Variants in NRG2 observed in about 807,000 individuals in gnomAD.
NRG2 encodes pro-neuregulin-2, membrane-bound isoform.
In NRG2, 27 loss-of-function variants were observed where a neutral mutation model predicts 73.9. The observed-to-expected ratio is 0.37, with a 90% CI of 0.27 to 0.50. NRG2 has a LOEUF of 0.50. NRG2 is among the 20% of genes least tolerant of loss of function. NRG2 has a pLI of 0.96. For synonymous variants in NRG2, 532 were observed against 541.0 expected (o/e 0.98, Z 0.23); for missense variants, 1,126 against 1,210.1 (o/e 0.93, Z 1.03).
chr5:140,028,086 G>A (rs923073572), intron 1 of NRG2, among the ~76,000 whole-genome samples: 1 of 152,174 alleles, frequency 6.6e-6, no homozygotes, highest in Non-Finnish European at 1.5e-5. Flanking sequence ...AAAGAGACAT[G>A]ACAACTAAAT....
In NRG2 at chr5:140,008,737, C is replaced by G. The variant is rs188872176; in HGVS notation, c.700+33633G>C. On this transcript the variant is annotated intron_variant, in intron 1 of 9. Transcript: ENST00000361474. The surrounding 1 kb of genome is among the most constrained non-coding windows in gnomAD (Gnocchi z 4.2). ...GAGAAATAACTGACAAATGATATGA[C>G]CAGAGACTCAACTGGTGAGTTCAAA... Among the ~76,000 whole-genome samples the G allele has an allele frequency of 3.0e-4, 46 of 152,260 alleles. No individual in the cohort carries two copies. Among genetic ancestry groups the G allele is most frequent in the Non-Finnish European group, 5.9e-4 (40 of 68,018 alleles).
chr5:140,034,614 T>G (rs1011376320), intron 1 of NRG2, among the ~76,000 whole-genome samples: 3 of 152,078 alleles, frequency 2.0e-5, no homozygotes, highest in Admixed American at 6.5e-5. Flanking sequence ...AGAAAGTTAA[T>G]AGAACAAATA....
chr5:139,855,549 G>A, intron 6 of NRG2, 127 bp downstream of exon 6: 2 of 775,310 alleles, frequency 2.6e-6, no homozygotes, highest in South Asian at 3.1e-5. Context: ...GCCCCCGAGG[G>A]GTAGTTGGGG....
At chr5:139,997,602 G>A (rs1263979528) in intron 1 of NRG2, among the ~76,000 whole-genome samples, 4 of 152,214 alleles carry the variant, frequency 2.6e-5, no homozygotes, top group African/African-American at 7.2e-5. Context: ...GACAGACATG[G>A]CAGAGCTGAC....
chr5:139,940,756 G>A (rs1212400227), intron 1 of NRG2, among the ~76,000 whole-genome samples: 5 of 152,148 alleles, frequency 3.3e-5, no homozygotes, highest in Admixed American at 3.3e-4. Flanking sequence ...TAGCCTCTAG[G>A]AATAAGAATT....
At chr5:139,900,635 G>C (rs1333235033) in intron 1 of NRG2, among the ~76,000 whole-genome samples, 3 of 152,222 alleles carry the variant, frequency 2.0e-5, no homozygotes, top group African/African-American at 7.2e-5. Flanking sequence ...TATAGTAACA[G>C]TCCCTCAGGC....
chr5:139,910,410 A>C (rs1765498472), intron 1 of NRG2, among the ~76,000 whole-genome samples: 1 of 152,240 alleles, frequency 6.6e-6, no homozygotes, highest in African/African-American at 2.4e-5. Flanking sequence ...TTCCTGGAAC[A>C]GCTGAGAAAT....
intron 1 of NRG2, among the ~76,000 whole-genome samples, chr5:139,962,331 GAC>G (rs1755131725): frequency 6.6e-6 from 1 of 152,228 alleles, no homozygotes; most frequent in Admixed American, 6.5e-5. Flanking sequence ...AAGAGAGAAA[GAC>G]AAACCTCCAG....
Position 139,853,006 on chromosome 5 carries a change from G to A in NRG2, c.1314C>T (p.His438=). 6.2e-7 allele frequency: 1 copy of A among 1,613,484 alleles called. No homozygotes were observed. The highest frequency in any genetic ancestry group is 8.5e-7 in the Non-Finnish European group (1 of 1,179,774). ...GGCACATGTTCTGCCGGAGGTGGTT[G>A]TGCATCTGCTTCCGCTGTTTTCTGC... The part of the protein sequence containing the change: ...CKTKKQRKQM[H]NHLRQNMCPA... Residue 438 remains histidine, a synonymous_variant, in exon 7 of 10, where the codon CAC becomes CAT. Coordinates refer to ENST00000361474, the MANE Select transcript of NRG2 (RefSeq NM_004883.3). This position sits in a 1 kb window ranked among gnomAD's most constrained non-coding sequence, Gnocchi z 4.1.
intron 1 of NRG2, among the ~76,000 whole-genome samples, chr5:139,972,491 G>A (rs866221532): frequency 2.6e-5 from 4 of 152,192 alleles, no homozygotes; most frequent in East Asian, 1.9e-4. Flanking sequence ...TTGGGAGGCC[G>A]AGGTGGGCGG....
At chr5:139,850,837 A>G (rs898814192) in intron 9 of NRG2, among the ~76,000 whole-genome samples, 3 of 152,146 alleles carry the variant, frequency 2.0e-5, no homozygotes, top group Non-Finnish European at 4.4e-5. Context: ...TTCTTGGCTC[A>G]CGTCCATCTT....
chr5:139,867,789 T>A (rs1319303019), intron 4 of NRG2, among the ~76,000 whole-genome samples: 4 of 137,746 alleles, frequency 2.9e-5, no homozygotes, highest in African/African-American at 9.4e-5. Flanking sequence ...TGTGTGTGTG[T>A]GTGTGTGTAT....
intron 1 of NRG2, among the ~76,000 whole-genome samples, chr5:139,993,791 C>T (rs564194432): frequency 0.071 from 37 of 518 alleles, no homozygotes; most frequent in East Asian, 0.11. Context: ...CTATGTTACG[C>T]TGATAAAGGA....
intron 1 of NRG2, among the ~76,000 whole-genome samples, chr5:139,916,370 TTA>T (rs1751255181): frequency 1.3e-5 from 2 of 152,170 alleles, no homozygotes; most frequent in Non-Finnish European, 2.9e-5. Context: ...AATTTTCCCC[TTA>T]TAACTGCATT....
intron 3 of NRG2, among the ~76,000 whole-genome samples, chr5:139,876,613 C>T (rs570713619): frequency 1.8e-4 from 28 of 151,956 alleles, no homozygotes; most frequent in African/African-American, 6.3e-4. Flanking sequence ...GGGTGGGAGC[C>T]GCTGCTGTGG....
intron 1 of NRG2, among the ~76,000 whole-genome samples, chr5:139,921,686 C>A (rs1318114773): frequency 6.6e-6 from 1 of 152,090 alleles, no homozygotes; most frequent in Non-Finnish European, 1.5e-5. Flanking sequence ...ATCTAGATGA[C>A]CTTGGGTTTG....
Position 139,868,776 on chromosome 5 carries a change from C to T in NRG2, c.1112+2945G>A, listed in dbSNP as rs533794472. ...CCGGGCACTGGAGGGAGTGAAGGGC[C>T]TCTGAGTTCATGAGAGGGGTGAAGA... On this transcript the variant is annotated intron_variant, in intron 4 of 9. Coordinates refer to ENST00000361474, the MANE Select transcript of NRG2 (RefSeq NM_004883.3). The surrounding 1 kb of genome is among the most constrained non-coding windows in gnomAD (Gnocchi z 4.2). Among the ~76,000 whole-genome samples, 14 of 151,956 alleles carry T rather than the reference C, an allele frequency of 9.2e-5. No homozygotes were observed. The highest frequency in any genetic ancestry group is 1.3e-4 in the Non-Finnish European group (9 of 67,984).
rs142148529 is a variant in NRG2, at chr5:140,039,072, T to C, written c.700+3298A>G. On this transcript the variant is annotated intron_variant, in intron 1 of 9. Transcript: ENST00000361474. Reference sequence around the variant, plus strand: ...TAAAGAATGTAAAAATCCTTAGGAATACACCTTTCCTTGTAGCAACAAAGT... The same window carrying C: ...TAAAGAATGTAAAAATCCTTAGGAACACACCTTTCCTTGTAGCAACAAAGT... Among the ~76,000 whole-genome samples the C allele has an allele frequency of 8.5e-5, 13 of 152,364 alleles. No individual in the cohort carries two copies. The East Asian group carries it at 2.5e-3, about 29-fold the overall frequency.
rs998747886 is a variant in NRG2 at position 140,008,708 on chromosome 5, C to T, written c.700+33662G>A. On this transcript the variant is annotated intron_variant, in intron 1 of 9. Transcript: ENST00000361474. The surrounding 1 kb of genome is among the most constrained non-coding windows in gnomAD (Gnocchi z 4.2). ...AGAATGCTTATTTATCCCTCTCAGT[C>T]GGGGAGAAATAACTGACAAATGATA... Among the ~76,000 whole-genome samples, 4 of 152,078 alleles carry T rather than the reference C, an allele frequency of 2.6e-5. No individual in the cohort carries two copies. The highest frequency in any genetic ancestry group is 2.0e-4 in the Admixed American group (3 of 15,282).
Sources: allele counts gnomAD v4.1 joint callset (sites outside exome capture counted in the v4.1 genomes callset), GRCh38; gene constraint gnomAD v4.1.1; non-coding constraint Gnocchi (gnomAD v3.1); transcripts MANE v1.5; gene names NCBI Gene and HGNC (gene_info 2026-07-23, HGNC 2026-07-21).